The following SAMMSON variants were observed in gnomAD, a reference collection of about 807,000 sequenced individuals.
The protein encoded by SAMMSON is long intergenic non-protein coding RNA 1212.
At chr3:70,009,303 G>C (rs2066943684) in intron 1 of SAMMSON, 1 of 151,972 alleles carries the variant, frequency 6.6e-6, no homozygotes, top group Non-Finnish European at 1.5e-5. Context: ...ATTAATTATT[G>C]CCTCAATTTC....
At chr3:70,289,886 C>T (rs899040716) in intron 6 of SAMMSON, among the ~76,000 whole-genome samples, 8 of 151,912 alleles carry the variant, frequency 5.3e-5, no homozygotes, top group Non-Finnish European at 1.0e-4. Flanking sequence ...TCACGTAGTT[C>T]TCGAGCCTTG....
At chr3:70,286,728 A>G (rs1184029834) in intron 6 of SAMMSON, among the ~76,000 whole-genome samples, 1 of 151,856 alleles carries the variant, frequency 6.6e-6, no homozygotes, top group Non-Finnish European at 1.5e-5. Context: ...ATCCTCTTTT[A>G]TTTCCTTGAG....
chr3:70,158,351 T>A (rs577375927), intron 4 of SAMMSON, among the ~76,000 whole-genome samples: 35 of 152,238 alleles, frequency 2.3e-4, no homozygotes, highest in African/African-American at 7.9e-4. Flanking sequence ...ATAATGTTTT[T>A]GAGGTTCATC....
At chr3:70,085,994 T>C (rs1452656603) in intron 4 of SAMMSON, among the ~76,000 whole-genome samples, 1 of 152,234 alleles carries the variant, frequency 6.6e-6, no homozygotes, top group Non-Finnish European at 1.5e-5. Context: ...GAATATCTAA[T>C]AGTTGGCTAT....
chr3:70,089,028 TG>T (rs1269145106), intron 4 of SAMMSON, among the ~76,000 whole-genome samples: 3 of 152,148 alleles, frequency 2.0e-5, no homozygotes, highest in Admixed American at 6.5e-5. Context: ...TCAGGGTCAC[TG>T]AGAGTCAAAA....
At chr3:70,251,919 A>G (rs1207017282) in intron 6 of SAMMSON, among the ~76,000 whole-genome samples, 2 of 152,234 alleles carry the variant, frequency 1.3e-5, no homozygotes, top group African/African-American at 4.8e-5. Flanking sequence ...TTACACTGTA[A>G]TTATGGCAAT....
intron 2 of SAMMSON, among the ~76,000 whole-genome samples, chr3:70,414,478 G>GA (rs1701246499): frequency 2.0e-5 from 3 of 152,082 alleles, no homozygotes; most frequent in African/African-American, 7.2e-5. Flanking sequence ...GGCTATACCT[G>GA]CACTTAGTAA....
At chr3:70,161,327 T>C (rs1174766706) in intron 4 of SAMMSON, among the ~76,000 whole-genome samples, 2 of 152,014 alleles carry the variant, frequency 1.3e-5, no homozygotes, top group Admixed American at 1.3e-4. Context: ...ATGCGCTTTA[T>C]CACATTAAGG....
chr3:70,373,892 GTATTTTTATGTTGATGGCTT>G (rs1170158819), intron 9 of SAMMSON, among the ~76,000 whole-genome samples: 2 of 151,934 alleles, frequency 1.3e-5, no homozygotes, highest in African/African-American at 4.8e-5. Flanking sequence ...GCTTGTTGAA[GTATTTTTATGTTGATGGCTT>G]TATTATTATT....
intron 9 of SAMMSON, among the ~76,000 whole-genome samples, chr3:70,370,417 T>A (rs147814299): frequency 6.6e-6 from 1 of 152,190 alleles, no homozygotes; most frequent in African/African-American, 2.4e-5. Context: ...TAATTTTCAG[T>A]CCCATCAACA....
At chr3:70,370,724 G>T (rs1298736756) in intron 9 of SAMMSON, among the ~76,000 whole-genome samples, 2 of 151,912 alleles carry the variant, frequency 1.3e-5, no homozygotes, top group East Asian at 1.9e-4. Context: ...TTAGTCCTTT[G>T]TCAGATAGAT....
intron 6 of SAMMSON, among the ~76,000 whole-genome samples, chr3:70,252,549 A>C (rs936034762): frequency 6.6e-6 from 1 of 152,200 alleles, no homozygotes. Context: ...GAGGCTAGGC[A>C]AACAATATAA....
chr3:70,166,056 T>C (rs900945689), intron 4 of SAMMSON, among the ~76,000 whole-genome samples: 7 of 152,028 alleles, frequency 4.6e-5, no homozygotes, highest in Non-Finnish European at 8.8e-5. Flanking sequence ...TTATAGCTAA[T>C]AATGGCTTCT....
intron 6 of SAMMSON, among the ~76,000 whole-genome samples, chr3:70,250,264 G>A (rs943183750): frequency 5.3e-5 from 8 of 152,028 alleles, no homozygotes; most frequent in Non-Finnish European, 8.8e-5. Context: ...AATCTCTCAC[G>A]TTCTATTGAT....
At position 70,416,912 on chromosome 3, in the gene SAMMSON, G is replaced by A. The variant is rs150762133; in HGVS notation, n.234-45648G>A. ...TCCCTGGAGTAAGCCATTGCTCAGG[G>A]TCTCTGCATTTGAGAATGATACTCT... On this transcript the variant is annotated intron_variant and non_coding_transcript_variant, in intron 2 of 3. Transcript: ENST00000641053. 3.9e-5 allele frequency among the ~76,000 whole-genome samples: 6 copies of A among 152,168 alleles called. No homozygotes were observed. In the East Asian group the frequency reaches 9.7e-4, roughly 25 times the overall value.
At chr3:70,411,299 GAAGT>G (rs976604320) in intron 2 of SAMMSON, among the ~76,000 whole-genome samples, 7 of 152,090 alleles carry the variant, frequency 4.6e-5, no homozygotes, top group African/African-American at 1.7e-4. Context: ...AGTCTTTCTG[GAAGT>G]AAGGATTTTA....
At chr3:70,404,427 C>T (rs1316993859) in intron 2 of SAMMSON, among the ~76,000 whole-genome samples, 1 of 152,030 alleles carries the variant, frequency 6.6e-6, no homozygotes, top group African/African-American at 2.4e-5. Flanking sequence ...TGTCAAGATT[C>T]AGAGATACCC....
At chr3:70,376,400 G>A (rs1271977440) in intron 9 of SAMMSON, among the ~76,000 whole-genome samples, 2 of 152,148 alleles carry the variant, frequency 1.3e-5, no homozygotes, top group Non-Finnish European at 2.9e-5. Flanking sequence ...TACTTCCCAT[G>A]AACTCTAACA....
intron 3 of SAMMSON, among the ~76,000 whole-genome samples, chr3:70,048,807 C>G (rs2067136153): frequency 6.6e-6 from 1 of 152,088 alleles, no homozygotes; most frequent in Non-Finnish European, 1.5e-5. Flanking sequence ...TTATAGAACT[C>G]ACTTCACAGC....
Sources: gnomAD v4.1 joint callset for allele counts (sites outside exome capture counted in the v4.1 genomes callset) on GRCh38, gnomAD v4.1.1 for gene constraint, MANE v1.5 for transcripts, NCBI Gene and HGNC (gene_info 2026-07-23, HGNC 2026-07-21) for gene names.